Variants in BSN observed in about 807,000 individuals in gnomAD.
BSN encodes bassoon presynaptic cytomatrix protein.
A neutral mutation model predicts 264.8 loss-of-function variants in BSN; 57 were observed. That is an observed-to-expected ratio of 0.22 (90% confidence interval 0.17 to 0.27). BSN has a LOEUF of 0.27. BSN is among the 10% of genes least tolerant of loss of function. The pLI, the probability that BSN is intolerant of heterozygous loss-of-function variation, is 1.00. For missense variants in BSN, 4,615 were observed against 5,232.5 expected, an observed-to-expected ratio of 0.88 and a Z score of 3.64; for synonymous variants, 2,059 against 2,137.3, an observed-to-expected ratio of 0.96 and a Z score of 1.01.
chr3:49,656,191 C>G lies in BSN; in HGVS notation c.6635C>G (p.Pro2212Arg), dbSNP rs2052597109. 6.2e-7 allele frequency: 1 copy of G among 1,611,850 alleles called. No homozygotes were observed. Among genetic ancestry groups the G allele is most frequent in the Non-Finnish European group, 8.5e-7 (1 of 1,179,234 alleles). ...GCAACACTGCCCATCACCACCCAGC[C>G]TGCCTCAGTCCTGCGGCCCATGGTG... is the stretch of plus-strand genomic sequence containing the variant. ...IAATLPITTQ[P>R]ASVLRPMVRG... The change falls in exon 5 of 12, where the codon CCT (proline) becomes CGT (arginine). Residue 2212 changes from proline (P) to arginine (R), a missense_variant. Around this residue, in one of 3 missense-constraint regions of BSN, gnomAD observed 3,415 missense variants for 3,866.4 expected, o/e 0.88. Transcript: ENST00000296452.
Position 49,664,446 on chromosome 3 carries a change from G to A in BSN, c.11632G>A (p.Gly3878Arg). The A allele has an allele frequency of 6.2e-7, 1 of 1,613,752 alleles. No individual in the cohort carries two copies. The highest frequency in any genetic ancestry group is 8.5e-7 in the Non-Finnish European group (1 of 1,179,998). Reference protein sequence around the residue: ...PAGVKAGARPGGTPGAPAGQP... With the variant: ...PAGVKAGARPRGTPGAPAGQP... Reference sequence around the variant, plus strand: ...AGGTGTGAAGGCTGGAGCCAGGCCTGGAGGAACCCCAGGGGCTCCCGCCGG... The same window carrying A: ...AGGTGTGAAGGCTGGAGCCAGGCCTAGAGGAACCCCAGGGGCTCCCGCCGG... Residue 3878 changes from glycine (G) to arginine (R), a missense_variant, in exon 9 of 12, where the codon GGA becomes AGA. Coordinates refer to ENST00000296452, the MANE Select transcript of BSN (RefSeq NM_003458.4).
chr3:49,606,128 ATATATACATATATTATATATGTATATAT>A lies in BSN; in HGVS notation c.225-18840_225-18813del, dbSNP rs1559603403. Reference sequence around the variant, plus strand: ...AATATATAATATATACGTATATATTATATATACATATATTATATATGTATATATTATATATACATATATTATATATGTA... The same window carrying A: ...AATATATAATATATACGTATATATTATATATATACATATATTATATATGTA... On this transcript the variant is annotated intron_variant, in intron 1 of 11. Transcript: ENST00000296452. Among the ~76,000 whole-genome samples the A allele has an allele frequency of 1.4e-3, 60 of 43,022 alleles. 1 individual carries two copies. Among genetic ancestry groups the A allele is most frequent in the African/African-American group, 4.6e-3 (56 of 12,170 alleles). The allele number at this position is 43,022 out of a possible 152,430, so 28.2% of individuals were successfully genotyped here.
At chr3:49,602,265 G>A (rs558766713) in intron 1 of BSN, among the ~76,000 whole-genome samples, 1 of 152,298 alleles carries the variant, frequency 6.6e-6, no homozygotes, top group Admixed American at 6.5e-5. Flanking sequence ...CCCTGGGGCA[G>A]CAGGACAACT....
chr3:49,606,076 A>G (rs2052136452), intron 1 of BSN, among the ~76,000 whole-genome samples: 1 of 85,746 alleles, frequency 1.2e-5, no homozygotes, highest in Non-Finnish European at 2.0e-5. Context: ...TTATATAAAA[A>G]TATATAATTT....
intron 1 of BSN, among the ~76,000 whole-genome samples, chr3:49,583,900 G>A (rs2051913777): frequency 6.6e-6 from 1 of 152,054 alleles, no homozygotes; most frequent in Non-Finnish European, 1.5e-5. Context: ...TCAAGATGGA[G>A]TCTCGCACTG....
At chr3:49,611,578 G>A (rs565342221) in intron 1 of BSN, among the ~76,000 whole-genome samples, 1 of 152,320 alleles carries the variant, frequency 6.6e-6, no homozygotes, top group Non-Finnish European at 1.5e-5. Flanking sequence ...AAGCTCCTTA[G>A]AAGTCTGTGG....
chr3:49,662,828 C>T, intron 6 of BSN, 48 bp from the exon 7 acceptor site: 2 of 1,520,042 alleles, frequency 1.3e-6, no homozygotes, highest in Non-Finnish European at 8.8e-7. Flanking sequence ...AGGCCTCCCC[C>T]TGCGGCTAGC....
chr3:49,660,628 C>T lies in BSN; in HGVS notation c.8783C>T (p.Thr2928Met), dbSNP rs769751066. ...GCCAGCCTGCTGCAGCGAGGGCTGA[C>T]GGGGCCCACCACTGTCCCTGCTACC... ...YAASLLQRGL[T>M]GPTTVPATKA... Residue 2928 changes from threonine to methionine, a missense_variant, in exon 6 of 12, where the codon ACG (threonine) becomes ATG (methionine). Transcript: ENST00000296452. The surrounding 1 kb of genome is among the most constrained non-coding windows in gnomAD (Gnocchi z 7.1). 6.0e-5 allele frequency: 97 copies of T among 1,612,838 alleles called. No homozygotes were observed. The highest frequency in any genetic ancestry group is 7.5e-5 in the Non-Finnish European group (88 of 1,179,878).
chr3:49,664,923 T>G, intron 10 of BSN, 70 bp downstream of exon 10: 1 of 1,057,492 alleles, frequency 9.5e-7, no homozygotes, highest in South Asian at 1.3e-5. Context: ...GGGGTGGGGC[T>G]CTAAGTCCGA....
At chr3:49,664,654 C>T in intron 9 of BSN, 100 bp downstream of exon 9, 1 of 1,541,736 alleles carries the variant, frequency 6.5e-7, no homozygotes, top group Non-Finnish European at 8.8e-7. Context: ...AGAGGCCAGC[C>T]AGAGAGCCCA....
Position 49,642,363 on chromosome 3 carries a change from C to G in BSN, c.729C>G (p.His243Gln), listed in dbSNP as rs923720886. 1.3e-6 allele frequency: 2 copies of G among 1,598,198 alleles called. No individual in the cohort carries two copies. Among genetic ancestry groups the G allele is most frequent in the Non-Finnish European group, 8.5e-7 (1 of 1,172,278 alleles). ...APRSKSQQQL[H>Q]SPALSPAHSP... The stretch of plus-strand genomic sequence containing the variant: ...GCTCCAAGAGCCAGCAGCAGCTGCA[C>G]TCCCCAGCCCTGTCTCCTGCCCACT... The change falls in exon 3 of 12, where the codon CAC becomes CAG. Residue 243 changes from histidine to glutamine, a missense_variant. Coordinates refer to ENST00000296452, the MANE Select transcript of BSN (RefSeq NM_003458.4). This position sits in a 1 kb window ranked among gnomAD's most constrained non-coding sequence, Gnocchi z 7.0.
In BSN at chr3:49,661,074, G is replaced by A. The variant is rs1179635894; in HGVS notation, c.9229G>A (p.Ala3077Thr). The A allele has an allele frequency of 6.2e-7, 1 of 1,610,414 alleles. No individual in the cohort carries two copies. Among genetic ancestry groups the A allele is most frequent in the Non-Finnish European group, 8.5e-7 (1 of 1,179,462 alleles). ...SGGPTQNGFP[A>T]HQAPTYPGPS... ...TGGGCCAACTCAGAACGGATTCCCA[G>A]CCCACCAGGCCCCCACCTACCCTGG... The change falls in exon 6 of 12, where the codon GCC becomes ACC. Residue 3077 changes from alanine to threonine, a missense_variant. Ala to Thr is a moderately conservative substitution (Grantham distance 58). This residue lies in a region of BSN where 3,415 missense variants were observed against 3,866.4 expected (regional missense o/e 0.88). Coordinates refer to ENST00000296452, the MANE Select transcript of BSN (RefSeq NM_003458.4).
chr3:49,611,236 C>T (rs943348529), intron 1 of BSN, among the ~76,000 whole-genome samples: 5 of 152,182 alleles, frequency 3.3e-5, no homozygotes, highest in East Asian at 1.9e-4. Flanking sequence ...CTGACAAGCA[C>T]AGCATTGTCC....
At chr3:49,565,419 C>T (rs527966032) in intron 1 of BSN, among the ~76,000 whole-genome samples, 8 of 149,956 alleles carry the variant, frequency 5.3e-5, no homozygotes, top group East Asian at 2.0e-4. Flanking sequence ...CCCCTGGGTT[C>T]GCGCCATTCT....
rs549742397 is a variant in BSN, at chr3:49,592,075, T to A, written c.225-32900T>A. On this transcript the variant is annotated intron_variant, in intron 1 of 11. Transcript: ENST00000296452. ...ATTTGAGAGAGACAGTTGATTTTTTTAAAATTGTGATTATTATTTCTCAAT... is the reference window on the plus strand; with the variant it reads ...ATTTGAGAGAGACAGTTGATTTTTTAAAAATTGTGATTATTATTTCTCAAT... Among the ~76,000 whole-genome samples the A allele has an allele frequency of 1.6e-4, 24 of 152,274 alleles. No homozygotes were observed. The East Asian group carries it at 2.3e-3, about 15-fold the overall frequency.
At chr3:49,557,059 C>G (rs1254515410) in intron 1 of BSN, among the ~76,000 whole-genome samples, 1 of 152,108 alleles carries the variant, frequency 6.6e-6, no homozygotes, top group African/African-American at 2.4e-5. Context: ...GGGGGTGGCT[C>G]CAGCATTTGC....
At position 49,664,369 on chromosome 3, in the gene BSN, AC is replaced by A. The variant is rs2052693931; in HGVS notation, c.11609-51del. ...CTCTCGTGGGTACTTGCCCTCTTAG[AC>A]CCTAAAGAGCCAGGCCGTGCATAGC... is the stretch of plus-strand genomic sequence containing the variant. On this transcript the variant is annotated intron_variant, in intron 8 of 11. Transcript: ENST00000296452. The A allele has an allele frequency of 1.9e-6, 3 of 1,611,238 alleles. No homozygotes were observed. In the South Asian group the frequency reaches 3.3e-5, roughly 18 times the overall value.
intron 1 of BSN, among the ~76,000 whole-genome samples, chr3:49,613,851 A>G (rs920760884): frequency 1.3e-5 from 2 of 152,016 alleles, no homozygotes; most frequent in African/African-American, 2.4e-5. Context: ...CAGACATTCA[A>G]GAACTCAGGA....
chr3:49,633,267 A>G (rs1171592324), intron 2 of BSN, among the ~76,000 whole-genome samples: 2 of 151,066 alleles, frequency 1.3e-5, no homozygotes, highest in East Asian at 3.9e-4. Flanking sequence ...ACGCCACTGC[A>G]CTCCAGCCTG....
Sources: gnomAD v4.1 joint callset for allele counts (sites outside exome capture counted in the v4.1 genomes callset) on GRCh38, gnomAD v4.1.1 for gene constraint, gnomAD v4.1.1 regional missense constraint, Gnocchi (gnomAD v3.1) non-coding constraint, MANE v1.5 for transcripts, NCBI Gene and HGNC (gene_info 2026-07-23, HGNC 2026-07-21) for gene names.